The following PPARGC1B variants were observed in gnomAD, a reference collection of about 807,000 sequenced individuals.
The protein encoded by PPARGC1B is peroxisome proliferator-activated receptor gamma coactivator 1-beta.
A neutral mutation model predicts 101.6 loss-of-function variants in PPARGC1B; 34 were observed. The ratio of observed to expected loss-of-function variants is 0.33; its 90% CI spans 0.25 to 0.45. The LOEUF (loss-of-function observed/expected upper bound fraction) is 0.45. Among genes scored for constraint, PPARGC1B ranks in the 20% least tolerant of loss-of-function variants. PPARGC1B has a pLI of 1.00. For synonymous variants in PPARGC1B, 548 were observed against 539.3 expected (o/e 1.02, Z -0.22); for missense variants, 1,234 against 1,317.6 (o/e 0.94, Z 0.98).
chr5:149,738,811 G>A (rs961511001), intron 1 of PPARGC1B, among the ~76,000 whole-genome samples: 4 of 152,188 alleles, frequency 2.6e-5, no homozygotes, highest in Admixed American at 2.6e-4. Flanking sequence ...TGGCCAGGCT[G>A]GTCTTGAACT....
At chr5:149,764,645 G>T (rs1041565090) in intron 1 of PPARGC1B, among the ~76,000 whole-genome samples, 3 of 152,152 alleles carry the variant, frequency 2.0e-5, no homozygotes, top group African/African-American at 7.2e-5. Context: ...GAGTCTTTTG[G>T]GGTGGCAAGT....
In PPARGC1B at chr5:149,847,611, AAT is replaced by A; in HGVS notation, c.*56_*57del. 2 of 1,361,394 alleles carry A rather than the reference AAT, an allele frequency of 1.5e-6. No homozygotes were observed. Among genetic ancestry groups the A allele is most frequent in the Non-Finnish European group, 2.1e-6 (2 of 955,740 alleles). 84.3% of individuals were successfully genotyped at this position (1,361,394 alleles called of 1,614,324 possible). A position where few individuals can be genotyped will look rare whatever the true frequency, so the allele number is the denominator to read the frequency against. ...TCAATACCTCAGACAAGGCCCTTCC[AAT>A]ATGTTTACGTTTTCAAAGAAATCAA... On this transcript the variant is annotated 3_prime_UTR_variant, in exon 12 of 12. Coordinates refer to ENST00000309241, the MANE Select transcript of PPARGC1B (RefSeq NM_133263.4).
intron 1 of PPARGC1B, among the ~76,000 whole-genome samples, chr5:149,782,028 G>A (rs1449040626): frequency 1.3e-5 from 2 of 152,126 alleles, no homozygotes; most frequent in East Asian, 3.9e-4. Flanking sequence ...GGACAGCTGT[G>A]AGCTAAATTA....
Position 149,853,442 on chromosome 5 carries a change from G to A in PPARGC1B, c.*5884G>A, listed in dbSNP as rs1759840248. 1 of 152,220 alleles carries A rather than the reference G, an allele frequency of 6.6e-6. No homozygotes were observed. The allele number at this position is 152,220 out of a possible 1,614,324, so 9.4% of individuals were successfully genotyped here. A position where few individuals can be genotyped will look rare whatever the true frequency, so the allele number is the denominator to read the frequency against. On this transcript the variant is annotated 3_prime_UTR_variant, in exon 12 of 12. Coordinates refer to ENST00000309241, the MANE Select transcript of PPARGC1B (RefSeq NM_133263.4). This position sits in a 1 kb window ranked among gnomAD's most constrained non-coding sequence, Gnocchi z 4.2. ...TCCTGTGGGCAGAAGAGACAGGAGTGGACCAGGAGAGGTCCAGGTGCCCGG... is the reference window on the plus strand; with the variant it reads ...TCCTGTGGGCAGAAGAGACAGGAGTAGACCAGGAGAGGTCCAGGTGCCCGG...
chr5:149,844,321 A>T (rs970218224), intron 10 of PPARGC1B, among the ~76,000 whole-genome samples: 1 of 152,250 alleles, frequency 6.6e-6, no homozygotes, highest in Non-Finnish European at 1.5e-5. Flanking sequence ...TCTTTAAAAA[A>T]GAGTCTTGGA....
At chr5:149,748,566 G>A (rs890646087) in intron 1 of PPARGC1B, among the ~76,000 whole-genome samples, 1 of 152,200 alleles carries the variant, frequency 6.6e-6, no homozygotes, top group East Asian at 1.9e-4. Flanking sequence ...TCTGCTGATG[G>A]CCATGGAAGG....
intron 1 of PPARGC1B, among the ~76,000 whole-genome samples, chr5:149,784,856 C>T (rs1010190876): frequency 2.6e-5 from 4 of 152,012 alleles, no homozygotes; most frequent in East Asian, 1.9e-4. Context: ...CGTGAGCCAC[C>T]GCGCCCGGTC....
chr5:149,788,387 C>T (rs968859019), intron 1 of PPARGC1B, among the ~76,000 whole-genome samples: 2 of 152,202 alleles, frequency 1.3e-5, no homozygotes, highest in African/African-American at 4.8e-5. Context: ...TACTGTCTCA[C>T]ACCAGTTAGA....
intron 1 of PPARGC1B, among the ~76,000 whole-genome samples, chr5:149,808,498 G>A (rs1757681811): frequency 6.6e-6 from 1 of 152,072 alleles, no homozygotes; most frequent in Non-Finnish European, 1.5e-5. Flanking sequence ...GTTGATGTCA[G>A]GTGGTTTGTG....
At chr5:149,796,660 G>T (rs1362155427) in intron 1 of PPARGC1B, among the ~76,000 whole-genome samples, 1 of 152,168 alleles carries the variant, frequency 6.6e-6, no homozygotes, top group East Asian at 1.9e-4. Context: ...GAGAGAGAGA[G>T]ATGAGAATGG....
At chr5:149,752,350 A>G (rs1755341766) in intron 1 of PPARGC1B, among the ~76,000 whole-genome samples, 1 of 152,228 alleles carries the variant, frequency 6.6e-6, no homozygotes, top group African/African-American at 2.4e-5. Context: ...TTCAGACTGC[A>G]GTCGGAGCAG....
chr5:149,796,077 C>A (rs1757202843), intron 1 of PPARGC1B, among the ~76,000 whole-genome samples: 1 of 152,102 alleles, frequency 6.6e-6, no homozygotes, highest in Admixed American at 6.5e-5. Context: ...GGGGGTCGAC[C>A]AGTAACACAC....
At chr5:149,800,149 C>G (rs1480713691) in intron 1 of PPARGC1B, among the ~76,000 whole-genome samples, 1 of 152,188 alleles carries the variant, frequency 6.6e-6, no homozygotes, top group Admixed American at 6.5e-5. Flanking sequence ...CCAACTCCTA[C>G]TATTCTTGTG....
intron 1 of PPARGC1B, chr5:149,761,531 T>C (rs1755718481): frequency 6.6e-6 from 1 of 152,206 alleles, no homozygotes; most frequent in Admixed American, 6.5e-5. Flanking sequence ...ACTCTCACGT[T>C]CATTGCAGCA....
chr5:149,756,417 A>G (rs1479664210), intron 1 of PPARGC1B, among the ~76,000 whole-genome samples: 1 of 152,140 alleles, frequency 6.6e-6, no homozygotes, highest in Non-Finnish European at 1.5e-5. Context: ...GCGGCACTGC[A>G]CTCTAGCCTG....
chr5:149,806,532 C>T (rs1445856427), intron 1 of PPARGC1B, among the ~76,000 whole-genome samples: 10 of 152,058 alleles, frequency 6.6e-5, no homozygotes, highest in Non-Finnish European at 2.9e-5. Flanking sequence ...AACCAGAGAA[C>T]GTGGACACTA....
intron 1 of PPARGC1B, among the ~76,000 whole-genome samples, chr5:149,765,669 C>T (rs1041275489): frequency 1.2e-4 from 19 of 152,034 alleles, no homozygotes; most frequent in Non-Finnish European, 2.6e-4. Context: ...CCATCCTGGC[C>T]AACACGGGGA....
At chr5:149,842,502 G>C in intron 10 of PPARGC1B, 125 bp downstream of exon 10, 1 of 1,355,426 alleles carries the variant, frequency 7.4e-7, no homozygotes, top group South Asian at 1.4e-5. Flanking sequence ...TAGCCTAGAT[G>C]TGGAAAGCCA....
chr5:149,771,507 G>A (rs1424080229), intron 1 of PPARGC1B, among the ~76,000 whole-genome samples: 4 of 152,216 alleles, frequency 2.6e-5, no homozygotes, highest in African/African-American at 9.6e-5. Flanking sequence ...AAGGGCTATG[G>A]AGATATTCTA....
Sources: gnomAD v4.1 joint callset for allele counts (sites outside exome capture counted in the v4.1 genomes callset) on GRCh38, gnomAD v4.1.1 for gene constraint, Gnocchi (gnomAD v3.1) non-coding constraint, MANE v1.5 for transcripts, NCBI Gene and HGNC (gene_info 2026-07-23, HGNC 2026-07-21) for gene names.